Variants in HLCS observed in about 807,000 individuals in gnomAD.
HLCS encodes the protein biotin--protein ligase.
HLCS carries 53 observed loss-of-function variants against 75.0 expected under a neutral mutation model. The observed-to-expected ratio is 0.71, with a 90% CI of 0.57 to 0.89. The LOEUF is 0.89. Among genes scored for constraint, HLCS ranks in the 40% least tolerant of loss-of-function variants. The pLI, the probability that HLCS is intolerant of heterozygous loss-of-function variation, is 0.00. For missense variants in HLCS, 966 were observed against 1,074.0 expected, an observed-to-expected ratio of 0.90 and a Z score of 1.41; for synonymous variants, 431 against 428.6, an observed-to-expected ratio of 1.01 and a Z score of -0.07.
chr21:36,879,380 A>G (rs2064116632), intron 6 of HLCS, among the ~76,000 whole-genome samples: 1 of 152,236 alleles, frequency 6.6e-6, no homozygotes, highest in Non-Finnish European at 1.5e-5. Flanking sequence ...TTGCTTAAAT[A>G]AATTATGATA....
At position 36,750,570 on chromosome 21, in the gene HLCS, G is replaced by A. The variant is rs1252125638; in HGVS notation, c.*3676C>T. On this transcript the variant is annotated 3_prime_UTR_variant, in exon 11 of 11. Transcript: ENST00000674895. ...CCTAAGAGTGGGGGAGGTTTAATAC[G>A]GCCAATGGATCTTGTATAAAGTCTA... is the stretch of plus-strand genomic sequence containing the variant. Among the ~76,000 whole-genome samples, 2 of 152,002 alleles carry A rather than the reference G, an allele frequency of 1.3e-5. No individual in the cohort carries two copies. The highest frequency in any genetic ancestry group is 1.9e-4 in the East Asian group (1 of 5,190).
chr21:36,914,937 C>A (rs1373439824), intron 5 of HLCS, among the ~76,000 whole-genome samples: 2 of 152,262 alleles, frequency 1.3e-5, no homozygotes, highest in African/African-American at 4.8e-5. Context: ...GGGTGGAGGG[C>A]ATGGAAAACG....
chr21:36,835,690 G>C (rs2062385243), intron 6 of HLCS, among the ~76,000 whole-genome samples: 1 of 152,168 alleles, frequency 6.6e-6, no homozygotes, highest in African/African-American at 2.4e-5. Context: ...AGAATCAGCT[G>C]TCACAGGAGT....
chr21:36,975,826 T>C (rs1342817737), intron 1 of HLCS, among the ~76,000 whole-genome samples: 3 of 152,142 alleles, frequency 2.0e-5, no homozygotes, highest in African/African-American at 4.8e-5. Context: ...GTCTCCCTCA[T>C]TGGCAGCCAT....
At chr21:36,761,988 A>G (rs1221518666) in intron 8 of HLCS, among the ~76,000 whole-genome samples, 1 of 152,214 alleles carries the variant, frequency 6.6e-6, no homozygotes, top group Admixed American at 6.5e-5. Context: ...GCAGCTCATG[A>G]AACTCTGGGT....
intron 6 of HLCS, among the ~76,000 whole-genome samples, chr21:36,861,786 A>C (rs1034217671): frequency 6.6e-6 from 1 of 152,234 alleles, no homozygotes; most frequent in Non-Finnish European, 1.5e-5. Flanking sequence ...GACATAATTC[A>C]AATACCATAA....
At chr21:36,795,753 G>A (rs2061008011) in intron 6 of HLCS, among the ~76,000 whole-genome samples, 1 of 152,216 alleles carries the variant, frequency 6.6e-6, no homozygotes, top group Non-Finnish European at 1.5e-5. Flanking sequence ...TGGAGGAACT[G>A]AGGGCAGAGA....
chr21:36,857,329 G>C (rs2063229574), intron 6 of HLCS, among the ~76,000 whole-genome samples: 1 of 152,098 alleles, frequency 6.6e-6, no homozygotes, highest in African/African-American at 2.4e-5. Context: ...CTTTCTGTTT[G>C]TTCGATCCGA....
At chr21:36,760,046 T>C (rs2089769764) in intron 8 of HLCS, among the ~76,000 whole-genome samples, 1 of 152,196 alleles carries the variant, frequency 6.6e-6, no homozygotes, top group African/African-American at 2.4e-5. Context: ...AAGAACACAG[T>C]TGACATAAAC....
At chr21:36,865,380 G>A (rs924590809) in intron 6 of HLCS, among the ~76,000 whole-genome samples, 8 of 151,906 alleles carry the variant, frequency 5.3e-5, no homozygotes, top group Non-Finnish European at 8.8e-5. Context: ...GGAGATGCAA[G>A]CAGGAAAGAA....
chr21:36,884,848 G>A (rs568099512), intron 6 of HLCS, among the ~76,000 whole-genome samples: 98 of 152,206 alleles, frequency 6.4e-4, no homozygotes, highest in Middle Eastern at 3.4e-3. Context: ...TCAGGTGCAC[G>A]TGTTTCTGAC....
chr21:36,833,493 G>A (rs2062288501), intron 6 of HLCS, among the ~76,000 whole-genome samples: 2 of 151,582 alleles, frequency 1.3e-5, no homozygotes, highest in Admixed American at 6.6e-5. Context: ...GCTGAAGCAG[G>A]AGAATTGCTT....
chr21:36,956,046 T>C (rs911258163), intron 2 of HLCS, among the ~76,000 whole-genome samples: 1 of 152,196 alleles, frequency 6.6e-6, no homozygotes, highest in Admixed American at 6.5e-5. Context: ...CTCTATGATG[T>C]TTGCATGATG....
At chr21:36,888,558 A>G (rs73214726) in intron 6 of HLCS, among the ~76,000 whole-genome samples, 17,224 of 145,158 alleles carry the variant, frequency 0.12, 1,365 homozygotes, top group Non-Finnish European at 0.17. Context: ...TAGAAAGTCA[A>G]CTGTCTCCCA....
chr21:36,841,092 G>A (rs944780736), intron 6 of HLCS, among the ~76,000 whole-genome samples: 3 of 152,114 alleles, frequency 2.0e-5, no homozygotes, highest in African/African-American at 4.8e-5. Flanking sequence ...ATTTTAAAAC[G>A]ACAGGGACTT....
intron 6 of HLCS, among the ~76,000 whole-genome samples, chr21:36,879,900 A>T (rs2146265900): frequency 6.9e-6 from 1 of 145,782 alleles, no homozygotes; most frequent in South Asian, 2.2e-4. Flanking sequence ...ACAGAGCAAG[A>T]TCCCATCTCT....
In HLCS at chr21:36,920,912, C is replaced by T. The variant is rs375546276; in HGVS notation, c.1620+9339G>A. Among the ~76,000 whole-genome samples, 15 of 152,154 alleles carry T rather than the reference C, an allele frequency of 9.9e-5. No individual in the cohort carries two copies. The East Asian group carries it at 1.9e-3, about 20-fold the overall frequency. ...TCCTAGGCAGAGTCTGGCTATCCCC[C>T]CACCCCCAAATTAACCATCATTTTT... On this transcript the variant is annotated intron_variant, in intron 5 of 10. Transcript: ENST00000674895.
intron 6 of HLCS, among the ~76,000 whole-genome samples, chr21:36,768,158 A>G (rs551509131): frequency 7.9e-5 from 12 of 152,288 alleles, no homozygotes; most frequent in African/African-American, 2.9e-4. Flanking sequence ...TCATCAACAG[A>G]GCAAAGATCA....
At chr21:36,800,564 A>G (rs2061169354) in intron 6 of HLCS, among the ~76,000 whole-genome samples, 1 of 152,162 alleles carries the variant, frequency 6.6e-6, no homozygotes. Context: ...CAGTGAGGAA[A>G]CAGAGGCAGG....
Sources: gnomAD v4.1 joint callset for allele counts (sites outside exome capture counted in the v4.1 genomes callset) on GRCh38, gnomAD v4.1.1 for gene constraint, MANE v1.5 for transcripts, NCBI Gene and HGNC (gene_info 2026-07-23, HGNC 2026-07-21) for gene names.